Variants in TMEM198 observed in about 807,000 individuals in gnomAD.
TMEM198 encodes the protein transmembrane protein 198.
A neutral mutation model predicts 31.5 loss-of-function variants in TMEM198; 21 were observed. The ratio of observed to expected loss-of-function variants is 0.67; its 90% CI spans 0.47 to 0.96. The LOEUF (loss-of-function observed/expected upper bound fraction) is 0.96, where lower values mean the gene tolerates loss of function less well. TMEM198 is among the 40% of genes least tolerant of loss of function. The probability of loss-of-function intolerance (pLI) is 0.00; values close to 1 mark genes in which losing one functional copy is unlikely to be tolerated. For missense variants in TMEM198, 447 were observed against 499.4 expected, an observed-to-expected ratio of 0.89 and a Z score of 1.00; for synonymous variants, 211 against 223.3, an observed-to-expected ratio of 0.95 and a Z score of 0.49.
At chr2:219,548,151 C>T in intron 3 of TMEM198, 70 bp downstream of exon 3, 1 of 1,367,002 alleles carries the variant, frequency 7.3e-7, no homozygotes, top group African/African-American at 1.4e-5. Context: ...GGCCAAGTGA[C>T]TGGGGAGTGG....
In TMEM198 at chr2:219,550,064, G is replaced by C. The variant is rs1023846983; in HGVS notation, c.*210G>C. 4.4e-5 allele frequency: 28 copies of C among 634,836 alleles called. No individual in the cohort carries two copies. The East Asian group carries it at 7.3e-4, about 17-fold the overall frequency. The allele number at this position is 634,836 out of a possible 1,614,324, so 39.3% of individuals were successfully genotyped here. ...CTCCCAAGAGGCTCCTGAGGAACTCGGGGTGTGAACCCCATTGGGGTGTGC... is the reference window on the plus strand; with the variant it reads ...CTCCCAAGAGGCTCCTGAGGAACTCCGGGTGTGAACCCCATTGGGGTGTGC... On this transcript the variant is annotated 3_prime_UTR_variant, in exon 5 of 5. Coordinates refer to ENST00000373883, the MANE Select transcript of TMEM198 (RefSeq NM_001005209.3).
At position 219,544,778 on chromosome 2, in the gene TMEM198, A is replaced by G. The variant is rs1695356889; in HGVS notation, c.51A>G (p.Pro17=). Residue 17 remains proline (P), a synonymous_variant, in exon 2 of 5, where the codon CCA becomes CCG. Coordinates refer to ENST00000373883, the MANE Select transcript of TMEM198 (RefSeq NM_001005209.3). ...GGTTCCAGCTGCTGCCCCCTGAGCC[A>G]GATGATGCCTTCTGGGGTGCACCTT... ...TLRFQLLPPE[P]DDAFWGAPCE... is the part of the protein sequence containing the mutation. 3 of 1,614,238 alleles carry G rather than the reference A, an allele frequency of 1.9e-6. No homozygotes were observed. The African/African-American group carries it at 4.0e-5, about 22-fold the overall frequency.
chr2:219,549,775 C>T lies in TMEM198; in HGVS notation c.1004C>T (p.Ala335Val). The T allele has an allele frequency of 9.3e-6, 15 of 1,614,142 alleles. No homozygotes were observed. In the South Asian group the frequency reaches 1.4e-4, roughly 15 times the overall value. Residue 335 changes from alanine (A) to valine (V), a missense_variant, in exon 5 of 5, where the codon GCC becomes GTC. Coordinates refer to ENST00000373883, the MANE Select transcript of TMEM198 (RefSeq NM_001005209.3). The part of the protein sequence containing the change: ...QTGSSLSSFM[A>V]SPTDADYEYG... ...GGGAGCTCCCTGAGCTCCTTCATGG[C>T]CTCACCCACAGATGCGGACTATGAG... is the stretch of plus-strand genomic sequence containing the variant.
intron 2 of TMEM198, among the ~76,000 whole-genome samples, chr2:219,545,466 G>A (rs56351015): frequency 0.17 from 26,544 of 152,154 alleles, 2,363 homozygotes; most frequent in Admixed American, 0.19. Flanking sequence ...TGTACAGGAC[G>A]GGTACTAAAT....
intron 2 of TMEM198, among the ~76,000 whole-genome samples, chr2:219,545,767 TG>T (rs1695376392): frequency 6.6e-6 from 1 of 151,860 alleles, no homozygotes; most frequent in African/African-American, 2.4e-5. Context: ...AAATGAGTCT[TG>T]GGGGCTGGGG....
At position 219,550,054 on chromosome 2, in the gene TMEM198, T is replaced by C. The variant is rs1284739643; in HGVS notation, c.*200T>C. 1 of 681,318 alleles carries C rather than the reference T, an allele frequency of 1.5e-6. No homozygotes were observed. Among genetic ancestry groups the C allele is most frequent in the East Asian group, 2.8e-5 (1 of 35,994 alleles). The allele number at this position is 681,318 out of a possible 1,614,324, so 42.2% of individuals were successfully genotyped here. A position where few individuals can be genotyped will look rare whatever the true frequency, so the allele number is the denominator to read the frequency against. ...CCCTCCCAAGCTCCCAAGAGGCTCC[T>C]GAGGAACTCGGGGTGTGAACCCCAT... On this transcript the variant is annotated 3_prime_UTR_variant, in exon 5 of 5. Transcript: ENST00000373883.
intron 3 of TMEM198, 108 bp downstream of exon 3, chr2:219,548,189 G>A (rs1024946964): frequency 6.3e-5 from 66 of 1,049,214 alleles, no homozygotes; most frequent in South Asian, 8.6e-5. Context: ...CCTCGATGGC[G>A]GTAGAGAGCT....
chr2:219,549,466 C>T, intron 4 of TMEM198, 112 bp downstream of exon 4: 1 of 1,371,414 alleles, frequency 7.3e-7, no homozygotes, highest in African/African-American at 1.5e-5. Flanking sequence ...CCTGTTTGTC[C>T]ATGAACTGTT....
chr2:219,548,077 G>A lies in TMEM198; in HGVS notation c.738G>A (p.Thr246=), dbSNP rs370539894. The A allele has an allele frequency of 1.9e-5, 30 of 1,548,114 alleles. No homozygotes were observed. The highest frequency in any genetic ancestry group is 1.2e-4 in the African/African-American group (9 of 74,226). The change falls in exon 3 of 5, where the codon ACG becomes ACA. Residue 246 remains threonine, a synonymous_variant. Transcript: ENST00000373883. Reference sequence around the variant, plus strand: ...TGACAGCTGAGGGGGACTCCCACACGGAAGGTAAGGGGGCACAGGCCAAGG... The same window carrying A: ...TGACAGCTGAGGGGGACTCCCACACAGAAGGTAAGGGGGCACAGGCCAAGG... The part of the protein sequence containing the change: ...WRVTAEGDSH[T]EVVISRQRRR...
At position 219,544,781 on chromosome 2, in the gene TMEM198, T is replaced by A; in HGVS notation, c.54T>A (p.Asp18Glu). The A allele has an allele frequency of 6.2e-7, 1 of 1,614,234 alleles. No individual in the cohort carries two copies. Among genetic ancestry groups the A allele is most frequent in the South Asian group, 1.1e-5 (1 of 91,082 alleles). ...TCCAGCTGCTGCCCCCTGAGCCAGA[T>A]GATGCCTTCTGGGGTGCACCTTGTG... Reference protein sequence around the residue: ...LRFQLLPPEPDDAFWGAPCEQ... With the variant: ...LRFQLLPPEPEDAFWGAPCEQ... The change falls in exon 2 of 5, where the codon GAT (aspartate) becomes GAA (glutamate). Residue 18 changes from aspartate (D) to glutamate (E), a missense_variant. Physicochemically the swap from Asp to Glu is conservative, Grantham distance 45. Transcript: ENST00000373883.
chr2:219,549,543 A>T (rs1053009292), intron 4 of TMEM198, among the ~76,000 whole-genome samples, 174 bp from the exon 5 acceptor site: 2 of 152,142 alleles, frequency 1.3e-5, no homozygotes, highest in Non-Finnish European at 2.9e-5. Context: ...ATTGGGGGAA[A>T]GGTTCCTGAG....
chr2:219,544,004 C>T, upstream of TMEM198: 1 of 356,168 alleles, frequency 2.8e-6, no homozygotes, highest in Non-Finnish European at 5.6e-6. Context: ...CCCGCCCCTG[C>T]CTGGATGGTG....
chr2:219,548,533 G>A (rs1695443664), intron 3 of TMEM198, among the ~76,000 whole-genome samples: 1 of 152,204 alleles, frequency 6.6e-6, no homozygotes, highest in Non-Finnish European at 1.5e-5. Context: ...AGGCTAAGGG[G>A]CCAGCCATGC....
chr2:219,549,973 C>A lies in TMEM198; in HGVS notation c.*119C>A. ...CTCTCCCCAGCCTGGAGAGGGCTGG[C>A]CTGGTCACTAGAAGGGAGGATTGTC... On this transcript the variant is annotated 3_prime_UTR_variant, in exon 5 of 5. Coordinates refer to ENST00000373883, the MANE Select transcript of TMEM198 (RefSeq NM_001005209.3). The A allele has an allele frequency of 1.5e-6, 2 of 1,343,204 alleles. No homozygotes were observed. Among genetic ancestry groups the A allele is most frequent in the Non-Finnish European group, 2.0e-6 (2 of 983,342 alleles). 83.2% of individuals were successfully genotyped at this position (1,343,204 alleles called of 1,614,324 possible). A position where few individuals can be genotyped will look rare whatever the true frequency, so the allele number is the denominator to read the frequency against.
Position 219,549,778 on chromosome 2 carries a change from C to G in TMEM198, c.1007C>G (p.Ser336Ter). 6.2e-7 allele frequency: 1 copy of G among 1,614,152 alleles called. No homozygotes were observed. The highest frequency in any genetic ancestry group is 1.1e-5 in the South Asian group (1 of 91,078). Reference protein sequence around the residue: ...TGSSLSSFMASPTDADYEYGS... With the variant: ...TGSSLSSFMA ...AGCTCCCTGAGCTCCTTCATGGCCT[C>G]ACCCACAGATGCGGACTATGAGTAT... is the stretch of plus-strand genomic sequence containing the variant. Residue 336 changes from serine to a stop codon, truncating the protein, a stop_gained, in exon 5 of 5, where the codon TCA becomes TGA. Transcript: ENST00000373883. LOFTEE classifies it high-confidence loss of function.
At chr2:219,549,572 T>C (rs1256140614) in intron 4 of TMEM198, 145 bp from the exon 5 acceptor site, 38 of 1,329,048 alleles carry the variant, frequency 2.9e-5, no homozygotes, top group Non-Finnish European at 3.8e-5. Flanking sequence ...TTAAGTGGGA[T>C]ATGGTATGTG....
chr2:219,547,439 C>G, intron 2 of TMEM198, 67 bp from the exon 3 acceptor site: 2 of 1,312,074 alleles, frequency 1.5e-6, no homozygotes, highest in South Asian at 4.9e-5. Context: ...TCCTTGACCC[C>G]TTGGACCTGC....
In TMEM198 at chr2:219,550,589, C is replaced by T. The variant is rs893379396; in HGVS notation, c.*735C>T. ...AATGTGCCAAACTGTGTGGCCTCTG[C>T]CAGGAATGGTGGTCTTTGGTGGCTG... On this transcript the variant is annotated 3_prime_UTR_variant, in exon 5 of 5. Coordinates refer to ENST00000373883, the MANE Select transcript of TMEM198 (RefSeq NM_001005209.3). 5.4e-6 allele frequency: 3 copies of T among 556,726 alleles called. No individual in the cohort carries two copies. The Admixed American group carries it at 9.2e-5, about 17-fold the overall frequency. The allele number at this position is 556,726 out of a possible 1,614,324, so 34.5% of individuals were successfully genotyped here.
intron 3 of TMEM198, among the ~76,000 whole-genome samples, chr2:219,548,593 T>C (rs976993063): frequency 2.0e-5 from 3 of 152,192 alleles, no homozygotes; most frequent in Admixed American, 6.5e-5. Flanking sequence ...TGAGAAGGAA[T>C]GAGCTCAGCT....
Sources: allele counts gnomAD v4.1 joint callset (sites outside exome capture counted in the v4.1 genomes callset), GRCh38; gene constraint gnomAD v4.1.1; transcripts MANE v1.5; gene names NCBI Gene and HGNC (gene_info 2026-07-23, HGNC 2026-07-21).